The following NALF1 variants were observed in gnomAD, a reference collection of about 807,000 sequenced individuals.
NALF1 encodes family with sequence similarity 155 member A.
Under a neutral mutation model 48.4 loss-of-function variants are expected in NALF1, and 3 were observed. The observed-to-expected ratio is 0.06, with a 90% confidence interval of 0.03 to 0.16. The LOEUF (loss-of-function observed/expected upper bound fraction) is 0.16, where lower values mean the gene tolerates loss of function less well. Among genes scored for constraint, NALF1 ranks in the 10% least tolerant of loss-of-function variants. NALF1 has a pLI of 1.00. For missense variants in NALF1, 526 were observed against 571.5 expected (o/e 0.92, Z 0.81); for synonymous variants, 262 against 245.7 (o/e 1.07, Z -0.62).
At chr13:107,358,443 C>A (rs1022137532) in intron 1 of NALF1, among the ~76,000 whole-genome samples, 1 of 152,054 alleles carries the variant, frequency 6.6e-6, no homozygotes, top group Non-Finnish European at 1.5e-5. Context: ...GAAACAGACC[C>A]CATCAAAATA....
At chr13:107,320,363 T>C (rs1286893119) in intron 1 of NALF1, among the ~76,000 whole-genome samples, 2 of 152,076 alleles carry the variant, frequency 1.3e-5, no homozygotes, top group African/African-American at 4.8e-5. Flanking sequence ...GACAAAAAAC[T>C]TAACCAACAA....
chr13:107,174,620 G>A (rs140788614), intron 2 of NALF1, among the ~76,000 whole-genome samples: 3,247 of 152,170 alleles, frequency 0.021, 43 homozygotes, highest in Non-Finnish European at 0.035. Flanking sequence ...CTCCCAGAGT[G>A]CTGGGAATAC....
chr13:107,598,249 C>A (rs1878813073), intron 1 of NALF1, among the ~76,000 whole-genome samples: 1 of 152,114 alleles, frequency 6.6e-6, no homozygotes, highest in Non-Finnish European at 1.5e-5. Flanking sequence ...AGCACCAATC[C>A]CTCTTGGTTT....
chr13:107,269,047 C>G (rs115024531), intron 1 of NALF1, among the ~76,000 whole-genome samples: 1,791 of 151,872 alleles, frequency 0.012, 30 homozygotes, highest in Middle Eastern at 0.044. Flanking sequence ...CCTGTGGTCC[C>G]ACGTCCTTGG....
At chr13:107,331,151 C>A (rs1882460860) in intron 1 of NALF1, among the ~76,000 whole-genome samples, 2 of 152,014 alleles carry the variant, frequency 1.3e-5, no homozygotes, top group Non-Finnish European at 2.9e-5. Context: ...TATTTGGAAA[C>A]TTCAACTTTA....
chr13:107,539,188 T>C (rs377635454), intron 1 of NALF1, among the ~76,000 whole-genome samples: 1 of 151,876 alleles, frequency 6.6e-6, no homozygotes, highest in Non-Finnish European at 1.5e-5. Context: ...ATCAAGAAAA[T>C]AAGCTCATTC....
At chr13:107,851,823 T>TTTTTTTTTTTTTTC (rs1880326535) in intron 1 of NALF1, among the ~76,000 whole-genome samples, 1 of 148,732 alleles carries the variant, frequency 6.7e-6, no homozygotes, top group Non-Finnish European at 1.5e-5. Context: ...TTTTTTTTTT[T>TTTTTTTTTTTTTTC]TTTGAGACAA....
At chr13:107,360,205 A>G (rs1480954331) in intron 1 of NALF1, among the ~76,000 whole-genome samples, 1 of 152,208 alleles carries the variant, frequency 6.6e-6, no homozygotes, top group Non-Finnish European at 1.5e-5. Context: ...AATGAATCAG[A>G]GTCAAAGGAA....
chr13:107,257,337 A>T (rs2138850507), intron 1 of NALF1, among the ~76,000 whole-genome samples: 1 of 152,292 alleles, frequency 6.6e-6, no homozygotes, highest in South Asian at 2.1e-4. Context: ...GACTACTGTG[A>T]TCTCTCCTCC....
intron 1 of NALF1, among the ~76,000 whole-genome samples, chr13:107,562,536 G>C (rs143788866): frequency 6.6e-6 from 1 of 152,096 alleles, no homozygotes; most frequent in Non-Finnish European, 1.5e-5. Flanking sequence ...CAATACAAAC[G>C]TTTCCATTTT....
chr13:107,326,634 G>A (rs1000343186), intron 1 of NALF1, among the ~76,000 whole-genome samples: 2 of 152,160 alleles, frequency 1.3e-5, no homozygotes, highest in African/African-American at 4.8e-5. Flanking sequence ...AATGGGCGTT[G>A]TATTACTTTT....
chr13:107,454,613 C>T (rs1368815008), intron 1 of NALF1, among the ~76,000 whole-genome samples: 2 of 152,090 alleles, frequency 1.3e-5, no homozygotes, highest in Non-Finnish European at 2.9e-5. Context: ...CAAAGTCTAA[C>T]CATATCACAG....
chr13:107,392,343 T>A (rs968208677), intron 1 of NALF1, among the ~76,000 whole-genome samples: 6 of 152,096 alleles, frequency 3.9e-5, no homozygotes, highest in Admixed American at 3.9e-4. Flanking sequence ...CCTTGCTCAG[T>A]CCCAGGAAAC....
intron 1 of NALF1, among the ~76,000 whole-genome samples, chr13:107,650,336 A>C (rs1329130611): frequency 6.7e-6 from 1 of 149,768 alleles, no homozygotes; most frequent in Non-Finnish European, 1.5e-5. Context: ...AGTCTCCTCT[A>C]GCAAAATCAG....
At chr13:107,296,080 T>A (rs968475501) in intron 1 of NALF1, among the ~76,000 whole-genome samples, 1 of 152,210 alleles carries the variant, frequency 6.6e-6, no homozygotes, top group African/African-American at 2.4e-5. Flanking sequence ...CTTGGCACTA[T>A]TTCCAATTTC....
intron 1 of NALF1, among the ~76,000 whole-genome samples, chr13:107,582,224 C>T (rs147076447): frequency 3.1e-4 from 47 of 152,236 alleles, no homozygotes; most frequent in African/African-American, 1.0e-3. Context: ...TTAATGACTC[C>T]GAAGTAGACA....
intron 1 of NALF1, among the ~76,000 whole-genome samples, chr13:107,782,598 A>G (rs1270088134): frequency 1.4e-5 from 2 of 146,676 alleles, no homozygotes; most frequent in Non-Finnish European, 3.0e-5. Context: ...CATCCCATCT[A>G]GGAAGTGAGG....
intron 1 of NALF1, among the ~76,000 whole-genome samples, chr13:107,855,092 G>A (rs571684699): frequency 6.6e-6 from 1 of 152,228 alleles, no homozygotes; most frequent in East Asian, 1.9e-4. Flanking sequence ...TTGCAGAGGC[G>A]TTTCGCTGAC....
intron 1 of NALF1, among the ~76,000 whole-genome samples, chr13:107,366,111 T>C (rs7995841): frequency 1.3e-5 from 2 of 152,192 alleles, no homozygotes; most frequent in African/African-American, 4.8e-5. Context: ...ATAGAAACAA[T>C]AAAGTCATTC....
Sources: gnomAD v4.1 joint callset for allele counts (sites outside exome capture counted in the v4.1 genomes callset) on GRCh38, gnomAD v4.1.1 for gene constraint, MANE v1.5 for transcripts, NCBI Gene and HGNC (gene_info 2026-07-23, HGNC 2026-07-21) for gene names.